Variants in IL1RAPL1 observed in about 807,000 individuals in gnomAD.
IL1RAPL1 encodes the protein interleukin 1 receptor accessory protein like 1.
A neutral mutation model predicts 48.4 loss-of-function variants in IL1RAPL1; 3 were observed. That is an observed-to-expected ratio of 0.06 (90% CI 0.03 to 0.16). The LOEUF (loss-of-function observed/expected upper bound fraction) is 0.16, where lower values mean the gene tolerates loss of function less well. Ranked by LOEUF, IL1RAPL1 falls within the 10% of genes least tolerant of loss-of-function variation. IL1RAPL1 has a pLI of 1.00. For missense variants in IL1RAPL1, 349 were observed against 530.6 expected (o/e 0.66, Z 3.36); for synonymous variants, 185 against 187.7 (o/e 0.99, Z 0.12).
At chrX:29,600,183 T>G (rs1923674247) in intron 5 of IL1RAPL1, among the ~76,000 whole-genome samples, 1 of 112,265 alleles carries the variant, frequency 8.9e-6, no homozygotes, top group Admixed American at 9.5e-5. Flanking sequence ...ACTCAAGAGC[T>G]GCTGTTCAGA....
rs866645128 is a variant in IL1RAPL1, at chrX:28,792,820, T to A, written c.82+3395T>A. Among the ~76,000 whole-genome samples the A allele has an allele frequency of 3.4e-3, 132 of 39,349 alleles. 3 individuals carry two copies. The highest frequency in any genetic ancestry group is 0.018 in the African/African-American group (102 of 5,554). The allele number at this position is 39,349 out of a possible 115,157, so 34.2% of individuals were successfully genotyped here. Reference sequence around the variant, plus strand: ...AAAAAAAAAAAAAAAAAAAAAAATATATATATATATATATATATATATATA... The same window carrying A: ...AAAAAAAAAAAAAAAAAAAAAAATAAATATATATATATATATATATATATA... On this transcript the variant is annotated intron_variant, in intron 2 of 10. Coordinates refer to ENST00000378993, the MANE Select transcript of IL1RAPL1 (RefSeq NM_014271.4).
intron 6 of IL1RAPL1, among the ~76,000 whole-genome samples, chrX:29,873,084 G>T (rs930614953): frequency 1.8e-5 from 2 of 111,568 alleles, no homozygotes; most frequent in Non-Finnish European, 3.8e-5. Flanking sequence ...GACAGGCTGT[G>T]CAACCAAGAA....
intron 5 of IL1RAPL1, among the ~76,000 whole-genome samples, chrX:29,653,901 C>T (rs187808686): frequency 1.4e-3 from 133 of 93,476 alleles, no homozygotes; most frequent in African/African-American, 4.4e-3. Flanking sequence ...AATTAGGGCT[C>T]TTATTTATTT....
rs926620527 is a variant in IL1RAPL1 at position 29,188,096 on chromosome X, G to C, written c.83-94842G>C. 2.1e-4 allele frequency among the ~76,000 whole-genome samples: 24 copies of C among 111,674 alleles called. No homozygotes were observed. In the Admixed American group the frequency reaches 2.3e-3, roughly 11 times the overall value. ...GCTTCTGGCTAAACTAGAATAGCTT[G>C]CTTCCCCAGGAGCCTGCAATACTTA... On this transcript the variant is annotated intron_variant, in intron 2 of 10. Coordinates refer to ENST00000378993, the MANE Select transcript of IL1RAPL1 (RefSeq NM_014271.4).
At chrX:29,426,212 G>T (rs768904016) in intron 5 of IL1RAPL1, among the ~76,000 whole-genome samples, 42 of 111,521 alleles carry the variant, frequency 3.8e-4, no homozygotes, top group African/African-American at 1.3e-3. Context: ...AACCCTGATT[G>T]CTCTAACCAA....
intron 6 of IL1RAPL1, among the ~76,000 whole-genome samples, chrX:29,698,509 A>G (rs1926971993): frequency 9.2e-6 from 1 of 109,102 alleles, no homozygotes; most frequent in African/African-American, 3.3e-5. Context: ...CATGGTATAT[A>G]CCCAGTGGCT....
intron 2 of IL1RAPL1, among the ~76,000 whole-genome samples, chrX:29,178,872 T>G (rs1930085892): frequency 1.8e-5 from 2 of 112,071 alleles, no homozygotes; most frequent in Non-Finnish European, 3.8e-5. Context: ...CCATTGCTTG[T>G]TTTTGTCAGG....
chrX:29,384,395 G>T (rs974013565), intron 3 of IL1RAPL1, among the ~76,000 whole-genome samples: 1 of 111,583 alleles, frequency 9.0e-6, no homozygotes, highest in Non-Finnish European at 1.9e-5. Flanking sequence ...AACTACGTAT[G>T]GGATAAAGTG....
intron 1 of IL1RAPL1, among the ~76,000 whole-genome samples, chrX:28,679,740 G>A (rs1368247736): frequency 3.6e-5 from 4 of 111,326 alleles, no homozygotes; most frequent in African/African-American, 1.3e-4. Context: ...TATTTTCTGG[G>A]CATCTTTGTT....
intron 1 of IL1RAPL1, among the ~76,000 whole-genome samples, chrX:28,727,850 C>G (rs780395479): frequency 2.1e-4 from 23 of 108,836 alleles, no homozygotes; most frequent in African/African-American, 7.7e-4. Context: ...TATTCTCACT[C>G]ATAGGTGGGA....
At chrX:28,938,972 A>G (rs192440190) in intron 2 of IL1RAPL1, among the ~76,000 whole-genome samples, 16 of 110,210 alleles carry the variant, frequency 1.5e-4, no homozygotes, top group Non-Finnish European at 2.5e-4. Flanking sequence ...CCACAATGAG[A>G]TACCATCTCG....
At position 29,955,972 on chromosome X, in the gene IL1RAPL1, G is replaced by C. The variant is rs1415200366; in HGVS notation, c.*152G>C. ...CAGGGTCTTGTACATATGTTTTTTG[G>C]AATTTCTTTGTAGCATCAGTGTCCT... On this transcript the variant is annotated 3_prime_UTR_variant, in exon 11 of 11. Transcript: ENST00000378993. The C allele has an allele frequency of 1.2e-5, 6 of 494,898 alleles. No homozygotes were observed. In the African/African-American group the frequency reaches 1.4e-4, roughly 12 times the overall value. The allele number at this position is 494,898 out of a possible 1,213,427, so 40.8% of individuals were successfully genotyped here. A position where few individuals can be genotyped will look rare whatever the true frequency, so the allele number is the denominator to read the frequency against.
At chrX:28,884,067 C>CTAAT (rs771156604) in intron 2 of IL1RAPL1, among the ~76,000 whole-genome samples, 1 of 111,490 alleles carries the variant, frequency 9.0e-6, no homozygotes, top group Non-Finnish European at 1.9e-5. Context: ...GGAGATATAC[C>CTAAT]TAATGCTAGA....
At chrX:28,751,098 C>T (rs1350765123) in intron 1 of IL1RAPL1, among the ~76,000 whole-genome samples, 1 of 111,335 alleles carries the variant, frequency 9.0e-6, no homozygotes, top group African/African-American at 3.3e-5. Context: ...AATTTGGAAT[C>T]TTCACTTTTT....
At chrX:29,451,221 T>G (rs1369887067) in intron 5 of IL1RAPL1, among the ~76,000 whole-genome samples, 1 of 108,355 alleles carries the variant, frequency 9.2e-6, no homozygotes, top group Non-Finnish European at 1.9e-5. Flanking sequence ...GGAGTCTTAC[T>G]CTGTTGCCCA....
intron 2 of IL1RAPL1, among the ~76,000 whole-genome samples, chrX:29,132,430 G>C (rs1002068132): frequency 8.9e-6 from 1 of 111,801 alleles, no homozygotes; most frequent in East Asian, 2.8e-4. Flanking sequence ...AATTACCATT[G>C]TGTTACAGTT....
At chrX:29,139,472 C>T (rs1929203368) in intron 2 of IL1RAPL1, among the ~76,000 whole-genome samples, 1 of 111,134 alleles carries the variant, frequency 9.0e-6, no homozygotes, top group Non-Finnish European at 1.9e-5. Context: ...TATCTTTAGC[C>T]TACCTTTACC....
chrX:29,773,579 C>G (rs766643824), intron 6 of IL1RAPL1, among the ~76,000 whole-genome samples: 7 of 112,405 alleles, frequency 6.2e-5, no homozygotes, highest in Non-Finnish European at 1.3e-4. Flanking sequence ...TAAATTGTCT[C>G]TCATTGAATT....
At chrX:29,579,951 T>C (rs1001501321) in intron 5 of IL1RAPL1, among the ~76,000 whole-genome samples, 18 of 111,632 alleles carry the variant, frequency 1.6e-4, no homozygotes, top group Non-Finnish European at 3.2e-4. Context: ...TTTGCTCTCA[T>C]GAATTTAATT....
Sources: gnomAD v4.1 joint callset for allele counts (sites outside exome capture counted in the v4.1 genomes callset) on GRCh38, gnomAD v4.1.1 for gene constraint, MANE v1.5 for transcripts, NCBI Gene and HGNC (gene_info 2026-07-23, HGNC 2026-07-21) for gene names.